CTNNA3: variants seen among roughly 807,000 people sequenced by gnomAD.
The protein encoded by CTNNA3 is catenin alpha-3.
A neutral mutation model predicts 95.7 loss-of-function variants in CTNNA3; 76 were observed. That is an observed-to-expected ratio of 0.79 (90% CI 0.66 to 0.96). The LOEUF (loss-of-function observed/expected upper bound fraction) is 0.96. CTNNA3 is among the 40% of genes least tolerant of loss of function. The pLI is 0.00. For missense variants in CTNNA3, 1,191 were observed against 1,089.8 expected (o/e 1.09, Z -1.31); for synonymous variants, 431 against 374.4 (o/e 1.15, Z -1.74).
intron 5 of CTNNA3, among the ~76,000 whole-genome samples, chr10:67,248,534 G>GCCCC (rs757236952): frequency 2.3e-3 from 344 of 152,070 alleles, no homozygotes; most frequent in Non-Finnish European, 3.1e-3. Context: ...TCCCACCTCA[G>GCCCC]CCCCCCAAAG....
In CTNNA3 at chr10:66,983,704, T is replaced by C. The variant is rs1010629319; in HGVS notation, c.1047+196613A>G. On this transcript the variant is annotated intron_variant, in intron 7 of 17. Coordinates refer to ENST00000433211, the MANE Select transcript of CTNNA3 (RefSeq NM_013266.4). The stretch of plus-strand genomic sequence containing the variant: ...GTGGAGGGAGGCATAGATAGTTTAG[T>C]CTTTCTCCACAGCAAAATAAATTAT... 3.3e-5 allele frequency among the ~76,000 whole-genome samples: 5 copies of C among 152,314 alleles called. No homozygotes were observed. The East Asian group carries it at 9.6e-4, about 29-fold the overall frequency.
intron 1 of CTNNA3, among the ~76,000 whole-genome samples, chr10:67,723,415 C>T (rs1841191419): frequency 6.6e-6 from 1 of 151,988 alleles, no homozygotes; most frequent in African/African-American, 2.4e-5. Flanking sequence ...TCTCTGCCTC[C>T]CAAGTAGTGG....
intron 11 of CTNNA3, among the ~76,000 whole-genome samples, chr10:66,427,910 C>T (rs554187216): frequency 3.3e-5 from 5 of 151,950 alleles, no homozygotes; most frequent in Admixed American, 6.6e-5. Context: ...CAATATTAAC[C>T]TTAAACGTAA....
chr10:67,637,624 G>T (rs1839365845), intron 2 of CTNNA3, among the ~76,000 whole-genome samples: 1 of 152,262 alleles, frequency 6.6e-6, no homozygotes, highest in African/African-American at 2.4e-5. Flanking sequence ...GAAAGGTCGG[G>T]TTACCCACAA....
intron 7 of CTNNA3, among the ~76,000 whole-genome samples, chr10:67,137,222 A>C (rs1170799774): frequency 6.6e-6 from 1 of 152,180 alleles, no homozygotes; most frequent in Non-Finnish European, 1.5e-5. Flanking sequence ...GATAGATGGA[A>C]AAGTATGTTA....
chr10:66,469,549 T>A (rs1839052795), intron 11 of CTNNA3, among the ~76,000 whole-genome samples: 1 of 151,900 alleles, frequency 6.6e-6, no homozygotes, highest in Non-Finnish European at 1.5e-5. Flanking sequence ...GTGAGATATC[T>A]ACTTATATTA....
Position 66,309,685 on chromosome 10 carries a change from C to CAAAAAAAAAAAAAAA in CTNNA3, c.1733-29079_1733-29065dup, listed in dbSNP as rs60400266. 1.2e-3 allele frequency among the ~76,000 whole-genome samples: 51 copies of CAAAAAAAAAAAAAAA among 41,774 alleles called. 1 individual carries two copies. The highest frequency in any genetic ancestry group is 2.0e-3 in the Non-Finnish European group (47 of 23,408). 27.4% of individuals were successfully genotyped at this position (41,774 alleles called of 152,430 possible). A position where few individuals can be genotyped will look rare whatever the true frequency, so the allele number is the denominator to read the frequency against. On this transcript the variant is annotated intron_variant, in intron 12 of 17. Coordinates refer to ENST00000433211, the MANE Select transcript of CTNNA3 (RefSeq NM_013266.4). ...TAGGCGGCAGAGCGAGACTCCGTCTCAAAAAAAAAAAAAAAAAAAAAAAAA... is the reference window on the plus strand; with the variant it reads ...TAGGCGGCAGAGCGAGACTCCGTCTCAAAAAAAAAAAAAAAAAAAAAAAAAAAAAAAAAAAAAAAA...
At chr10:67,620,903 ATGTGTGTG>A (rs1244995621) in intron 2 of CTNNA3, among the ~76,000 whole-genome samples, 1 of 126,360 alleles carries the variant, frequency 7.9e-6, no homozygotes, top group Non-Finnish European at 1.6e-5. Context: ...ATATATGTAT[ATGTGTGTG>A]TGTGTGTGTG....
intron 7 of CTNNA3, chr10:66,926,392 G>A (rs1303708318): frequency 3.1e-6 from 2 of 655,296 alleles, no homozygotes; most frequent in Admixed American, 4.9e-5. Flanking sequence ...GGATTTATTT[G>A]TTCTTGGAGT....
intron 9 of CTNNA3, among the ~76,000 whole-genome samples, chr10:66,693,463 A>G (rs1413693621): frequency 1.3e-5 from 2 of 150,758 alleles, no homozygotes; most frequent in Non-Finnish European, 2.9e-5. Context: ...TCATAAAGCA[A>G]GTCCTGAGTG....
chr10:67,738,135 TAAAAC>T (rs1442409399), intron 1 of CTNNA3, among the ~76,000 whole-genome samples: 3 of 151,898 alleles, frequency 2.0e-5, no homozygotes, highest in South Asian at 2.1e-4. Context: ...ACCTGACTGT[TAAAAC>T]AAAACAAACA....
intron 5 of CTNNA3, among the ~76,000 whole-genome samples, chr10:67,385,836 C>CAA (rs34264491): frequency 5.4e-4 from 45 of 83,600 alleles, no homozygotes; most frequent in African/African-American, 1.3e-3. Flanking sequence ...TGAAGGATCT[C>CAA]AAAAAAAAAA....
intron 13 of CTNNA3, among the ~76,000 whole-genome samples, chr10:66,247,488 A>G (rs2090382402): frequency 6.6e-6 from 1 of 152,240 alleles, no homozygotes; most frequent in Non-Finnish European, 1.5e-5. Flanking sequence ...TTTAAGTACA[A>G]TAGGGTTATA....
At chr10:66,138,927 A>ACT (rs1371237864) in intron 13 of CTNNA3, among the ~76,000 whole-genome samples, 1 of 151,926 alleles carries the variant, frequency 6.6e-6, no homozygotes, top group East Asian at 1.9e-4. Context: ...TTTACACATC[A>ACT]CTCTCTCTAA....
intron 7 of CTNNA3, among the ~76,000 whole-genome samples, chr10:66,804,163 T>G (rs970716428): frequency 6.6e-6 from 1 of 152,024 alleles, no homozygotes; most frequent in African/African-American, 2.4e-5. Context: ...GTTCACCCCC[T>G]GAAAAAGAAA....
intron 11 of CTNNA3, among the ~76,000 whole-genome samples, chr10:66,485,673 T>A (rs1314745983): frequency 6.6e-6 from 1 of 152,142 alleles, no homozygotes; most frequent in South Asian, 2.1e-4. Flanking sequence ...CTACTCAAAA[T>A]AATCTATAGA....
At chr10:66,396,752 A>T (rs190036905) in intron 11 of CTNNA3, among the ~76,000 whole-genome samples, 1 of 152,064 alleles carries the variant, frequency 6.6e-6, no homozygotes, top group African/African-American at 2.4e-5. Flanking sequence ...CCTCAAAGAA[A>T]TTCCATTTCT....
chr10:67,113,565 A>T (rs1348309581), intron 7 of CTNNA3, among the ~76,000 whole-genome samples: 1 of 152,204 alleles, frequency 6.6e-6, no homozygotes, highest in South Asian at 2.1e-4. Flanking sequence ...CAAAAGAGTC[A>T]GCAAGCGTTA....
chr10:66,865,740 A>C (rs2132424796), intron 7 of CTNNA3, among the ~76,000 whole-genome samples: 1 of 152,186 alleles, frequency 6.6e-6, no homozygotes, highest in South Asian at 2.1e-4. Flanking sequence ...ATTTATTTTT[A>C]GCTCAAATCA....
Sources: gnomAD v4.1 joint callset for allele counts (sites outside exome capture counted in the v4.1 genomes callset) on GRCh38, gnomAD v4.1.1 for gene constraint, MANE v1.5 for transcripts, NCBI Gene and HGNC (gene_info 2026-07-23, HGNC 2026-07-21) for gene names.